Variants in SMC1A observed in about 807,000 individuals in gnomAD.
SMC1A encodes the protein structural maintenance of chromosomes 1A.
Under a neutral mutation model 94.5 loss-of-function variants are expected in SMC1A, and 4 were observed. The observed-to-expected ratio is 0.04, with a 90% CI of 0.02 to 0.10. The LOEUF (loss-of-function observed/expected upper bound fraction) is 0.10. SMC1A is among the 10% of genes least tolerant of loss of function. SMC1A has a pLI of 1.00. For synonymous variants in SMC1A, 345 were observed against 347.7 expected (o/e 0.99, Z 0.09); for missense variants, 304 against 989.0 (o/e 0.31, Z 9.29).
chrX:53,422,676 G>A (rs1388027317), upstream of SMC1A: 6 of 663,229 alleles, frequency 9.0e-6, no homozygotes, highest in Non-Finnish European at 1.5e-5. Context: ...CGCGGGAAAC[G>A]CCGCAGTGCA....
At position 53,412,127 on chromosome X, in the gene SMC1A, C is replaced by T. The variant is rs782293991; in HGVS notation, c.981G>A (p.Lys327=). 1 of 1,210,028 alleles carries T rather than the reference C, an allele frequency of 8.3e-7. No individual in the cohort carries two copies. The highest frequency in any genetic ancestry group is 2.2e-5 in the Admixed American group (1 of 45,702). ...KSLQNAQKHY[K]KRKGDMDELE... ...GCTCATCCATGTCACCTTTACGCTT[C>T]TTGTAGTGCTTCTGAGCATTCTGCA... The change falls in exon 6 of 25, where the codon AAG becomes AAA. Residue 327 remains lysine (K), a synonymous_variant. Transcript: ENST00000322213.
At chrX:53,408,924 C>CT (rs2040464299) in intron 9 of SMC1A, 138 bp downstream of exon 9, 3 of 525,723 alleles carry the variant, frequency 5.7e-6, no homozygotes, top group African/African-American at 4.8e-5. Context: ...AGAAGCGGTG[C>CT]TTTTTTAAAC....
At chrX:53,383,700 TA>T (rs1409206171) in intron 19 of SMC1A, among the ~76,000 whole-genome samples, 1 of 112,343 alleles carries the variant, frequency 8.9e-6, no homozygotes, top group African/African-American at 3.2e-5. Context: ...CAAATTCCAT[TA>T]GAGTTTAGTT....
In SMC1A at chrX:53,379,945, T is replaced by C. The variant is rs1211625693; in HGVS notation, c.*158A>G. ...AGGAATTTTTGCTCCAGACCTAACA[T>C]CACCTCTGTTCCTCTTCATGCTTGA... On this transcript the variant is annotated 3_prime_UTR_variant, in exon 25 of 25. Transcript: ENST00000322213. 6.2e-6 allele frequency: 3 copies of C among 483,621 alleles called. No homozygotes were observed. Among genetic ancestry groups the C allele is most frequent in the Non-Finnish European group, 1.1e-5 (3 of 269,987 alleles). The allele number at this position is 483,621 out of a possible 1,213,427, so 39.9% of individuals were successfully genotyped here. A position where few individuals can be genotyped will look rare whatever the true frequency, so the allele number is the denominator to read the frequency against.
intron 1 of SMC1A, among the ~76,000 whole-genome samples, chrX:53,415,645 C>A: frequency 1.0e-5 from 1 of 100,335 alleles, no homozygotes; most frequent in Non-Finnish European, 2.0e-5. Flanking sequence ...CTAGCCTGGG[C>A]GACAGAGCGA....
rs1449823275 is a variant in SMC1A at position 53,379,562 on chromosome X, A to C, written c.*541T>G. 8.5e-6 allele frequency: 1 copy of C among 118,002 alleles called. No homozygotes were observed. Among genetic ancestry groups the C allele is most frequent in the African/African-American group, 3.2e-5 (1 of 30,946 alleles). 9.7% of individuals were successfully genotyped at this position (118,002 alleles called of 1,213,427 possible). Reference sequence around the variant, plus strand: ...TGTCTGATGAATACATAAATGAATGAATACACAAATGAGTGAATGAAGGCA... The same window carrying C: ...TGTCTGATGAATACATAAATGAATGCATACACAAATGAGTGAATGAAGGCA... On this transcript the variant is annotated 3_prime_UTR_variant, in exon 25 of 25. Transcript: ENST00000322213.
At chrX:53,422,116 TC>T (rs1443395140) in intron 1 of SMC1A, 4 of 1,081,882 alleles carry the variant, frequency 3.7e-6, no homozygotes, top group Admixed American at 5.1e-5. Context: ...CCGGAGGGGG[TC>T]AAGTAAGGCT....
chrX:53,386,930 T>A (rs2075606604), intron 19 of SMC1A, among the ~76,000 whole-genome samples: 1 of 112,403 alleles, frequency 8.9e-6, no homozygotes, highest in Non-Finnish European at 1.9e-5. Flanking sequence ...CTTAGCTTAA[T>A]AATAAAAAGA....
rs1346092193 is a variant in SMC1A, at chrX:53,404,748, G to A, written c.2196+264C>T. 4.5e-5 allele frequency among the ~76,000 whole-genome samples: 5 copies of A among 111,351 alleles called. No homozygotes were observed. The Admixed American group carries it at 4.8e-4, about 11-fold the overall frequency. Reference sequence around the variant, plus strand: ...GATCCACAGGTGATCCACCGTGCCCGGCCGAGTAGGTATCATCTTAACTCG... The same window carrying A: ...GATCCACAGGTGATCCACCGTGCCCAGCCGAGTAGGTATCATCTTAACTCG... On this transcript the variant is annotated intron_variant, in intron 13 of 24. Transcript: ENST00000322213.
At chrX:53,402,886 G>A (rs1283361778) in intron 15 of SMC1A, among the ~76,000 whole-genome samples, 6 of 9,135 alleles carry the variant, frequency 6.6e-4, no homozygotes, top group East Asian at 4.2e-3. Context: ...AAAAAAAAAA[G>A]GGCCGGCAAT....
At chrX:53,383,033 G>A in intron 20 of SMC1A, 64 bp downstream of exon 20, 1 of 1,050,972 alleles carries the variant, frequency 9.5e-7, no homozygotes, top group Non-Finnish European at 1.3e-6. Context: ...ATGTATAGCA[G>A]GCCCGTGGCA....
intron 3 of SMC1A, among the ~76,000 whole-genome samples, 153 bp downstream of exon 3, chrX:53,414,605 C>T (rs930026849): frequency 8.9e-6 from 1 of 111,839 alleles, no homozygotes; most frequent in Non-Finnish European, 1.9e-5. Flanking sequence ...ATGAACCTGG[C>T]TCAGGGGCCA....
intron 9 of SMC1A, among the ~76,000 whole-genome samples, 155 bp downstream of exon 9, chrX:53,408,907 T>C (rs1323983550): frequency 9.3e-6 from 1 of 108,063 alleles, no homozygotes; most frequent in East Asian, 2.9e-4. Flanking sequence ...CTGCAGTTCT[T>C]CCTCTTAGAA....
chrX:53,420,360 C>A (rs1311791266), intron 1 of SMC1A, among the ~76,000 whole-genome samples: 3 of 109,768 alleles, frequency 2.7e-5, no homozygotes, highest in Non-Finnish European at 5.7e-5. Context: ...ACCAACTCTA[C>A]TAAAAATACA....
chrX:53,396,347 G>A lies in SMC1A; in HGVS notation c.2742C>T (p.Ala914=). 1 of 1,211,387 alleles carries A rather than the reference G, an allele frequency of 8.3e-7. No individual in the cohort carries two copies. The highest frequency in any genetic ancestry group is 1.1e-6 in the Non-Finnish European group (1 of 895,393). The change falls in exon 18 of 25, where the codon GCC becomes GCT. Residue 914 remains alanine, a synonymous_variant. Transcript: ENST00000322213. ...EMTHLQKEVT[A]IETKLEQKRS... ...GCTTCTGTTCAAGCTTGGTCTCAATGGCTGTCACCTCCTTCTGTAAATGGG... is the reference window on the plus strand; with the variant it reads ...GCTTCTGTTCAAGCTTGGTCTCAATAGCTGTCACCTCCTTCTGTAAATGGG...
chrX:53,405,855 C>T lies in SMC1A; in HGVS notation c.1647G>A (p.Ser549=), dbSNP rs782582676. 7.4e-6 allele frequency: 9 copies of T among 1,209,063 alleles called. No individual in the cohort carries two copies. In the African/African-American group the frequency reaches 8.8e-5, roughly 12 times the overall value. ...GKNMDAIIVD[S]EKTGRDCIQY... ...GAATACAGTCCCGGCCTGTCTTCTCCGAGTCCACAATAATGGCATCCATGT... is the reference window on the plus strand; with the variant it reads ...GAATACAGTCCCGGCCTGTCTTCTCTGAGTCCACAATAATGGCATCCATGT... Residue 549 remains serine (S), a synonymous_variant, in exon 10 of 25, where the codon TCG becomes TCA. Coordinates refer to ENST00000322213, the MANE Select transcript of SMC1A (RefSeq NM_006306.4).
chrX:53,388,865 C>T (rs947870866), intron 19 of SMC1A, among the ~76,000 whole-genome samples: 46 of 107,228 alleles, frequency 4.3e-4, no homozygotes, highest in Non-Finnish European at 3.8e-4. Context: ...GGCGTGGTGG[C>T]GGGCGCCTGT....
chrX:53,392,988 T>A (rs1348633815), intron 19 of SMC1A, among the ~76,000 whole-genome samples: 1 of 112,147 alleles, frequency 8.9e-6, no homozygotes, highest in Non-Finnish European at 1.9e-5. Context: ...AGAAGCTTGA[T>A]CAGATCCACG....
At position 53,382,596 on chromosome X, in the gene SMC1A, C is replaced by T. The variant is rs1556886036; in HGVS notation, c.3195G>A (p.Glu1065=). 1 of 1,209,991 alleles carries T rather than the reference C, an allele frequency of 8.3e-7. No homozygotes were observed. Among genetic ancestry groups the T allele is most frequent in the African/African-American group, 1.7e-5 (1 of 57,225 alleles). Residue 1065 remains glutamate (E), a synonymous_variant, in exon 21 of 25, where the codon GAG becomes GAA. Transcript: ENST00000322213. ...AACAAGCATTGAAGCGGTCAAAGCG[C>T]TCCTTCTTGATCTGTTCGAATGCCT... ...AKQAFEQIKK[E]RFDRFNACFE...
Sources: allele counts gnomAD v4.1 joint callset (sites outside exome capture counted in the v4.1 genomes callset), GRCh38; gene constraint gnomAD v4.1.1; transcripts MANE v1.5; gene names NCBI Gene and HGNC (gene_info 2026-07-23, HGNC 2026-07-21).